Variants in SUGP1 observed in about 807,000 individuals in gnomAD.
SUGP1 encodes SURP and G-patch domain-containing protein 1.
Under a neutral mutation model 76.5 loss-of-function variants are expected in SUGP1, and 34 were observed. The observed-to-expected ratio is 0.44, with a 90% CI of 0.34 to 0.59. The LOEUF (loss-of-function observed/expected upper bound fraction) is 0.59. SUGP1 is among the 20% of genes least tolerant of loss of function. The pLI is 0.01. For synonymous variants in SUGP1, 326 were observed against 326.2 expected, an observed-to-expected ratio of 1.00 and a Z score of 0.01; for missense variants, 752 against 851.7, an observed-to-expected ratio of 0.88 and a Z score of 1.46.
intron 8 of SUGP1, among the ~76,000 whole-genome samples, chr19:19,284,196 G>A (rs1286872814): frequency 6.6e-6 from 1 of 152,166 alleles, no homozygotes; most frequent in Non-Finnish European, 1.5e-5. Context: ...TCGGGAGGCT[G>A]AGGCAGGAGA....
chr19:19,309,228 T>C (rs1165011090), intron 3 of SUGP1, among the ~76,000 whole-genome samples: 1 of 152,130 alleles, frequency 6.6e-6, no homozygotes, highest in Non-Finnish European at 1.5e-5. Context: ...CTCCTGCCTG[T>C]AATGTCAACA....
chr19:19,316,304 A>G, intron 2 of SUGP1, 118 bp downstream of exon 2: 2 of 1,292,734 alleles, frequency 1.5e-6, no homozygotes, highest in East Asian at 2.5e-5. Context: ...CATTCCTTGG[A>G]TCATCAGGCT....
Position 19,276,330 on chromosome 19 carries a change from G to T in SUGP1, c.*318C>A. The stretch of plus-strand genomic sequence containing the variant: ...CCTCTCAAAGTGCTGGGATGACAGG[G>T]GTGAGACACTGCACCTGGCCTTCCA... On this transcript the variant is annotated 3_prime_UTR_variant, in exon 14 of 14. Coordinates refer to ENST00000247001, the MANE Select transcript of SUGP1 (RefSeq NM_172231.4). The T allele has an allele frequency of 3.1e-6, 1 of 319,446 alleles. No individual in the cohort carries two copies. Among genetic ancestry groups the T allele is most frequent in the East Asian group, 7.1e-5 (1 of 14,152 alleles). The allele number at this position is 319,446 out of a possible 1,614,324, so 19.8% of individuals were successfully genotyped here.
chr19:19,278,883 C>T (rs1017145822), intron 10 of SUGP1, 87 bp from the exon 11 acceptor site: 8 of 1,410,152 alleles, frequency 5.7e-6, no homozygotes, highest in Middle Eastern at 1.8e-4. Flanking sequence ...AGGTATGAGG[C>T]TCAGTGGGAG....
chr19:19,303,612 A>T lies in SUGP1; in HGVS notation c.662+112T>A, dbSNP rs140193983. 7.4e-5 allele frequency: 107 copies of T among 1,453,712 alleles called. 1 individual carries two copies. The East Asian group carries it at 2.4e-3, about 33-fold the overall frequency. 90.1% of individuals were successfully genotyped at this position (1,453,712 alleles called of 1,614,324 possible). A position where few individuals can be genotyped will look rare whatever the true frequency, so the allele number is the denominator to read the frequency against. Reference sequence around the variant, plus strand: ...ACTTGTCACTTCTGGTGAGAATCAGAAAACGCTTGGAACAGCATCCGGCCC... The same window carrying T: ...ACTTGTCACTTCTGGTGAGAATCAGTAAACGCTTGGAACAGCATCCGGCCC... On this transcript the variant is annotated intron_variant, in intron 5 of 13. Coordinates refer to ENST00000247001, the MANE Select transcript of SUGP1 (RefSeq NM_172231.4).
chr19:19,306,724 A>G (rs1325385541), intron 3 of SUGP1, among the ~76,000 whole-genome samples: 1 of 152,168 alleles, frequency 6.6e-6, no homozygotes, highest in Non-Finnish European at 1.5e-5. Context: ...TAGGCGACCA[A>G]CCTACAGACA....
At chr19:19,291,187 G>A (rs372573281) in intron 8 of SUGP1, among the ~76,000 whole-genome samples, 1 of 152,178 alleles carries the variant, frequency 6.6e-6, no homozygotes, top group African/African-American at 2.4e-5. Flanking sequence ...ACACCTTAGT[G>A]AGCTAGAAAA....
chr19:19,276,989 G>A lies in SUGP1; in HGVS notation c.1869C>T (p.Arg623=), dbSNP rs1183345146. The A allele has an allele frequency of 1.2e-6, 2 of 1,612,992 alleles. No homozygotes were observed. Among genetic ancestry groups the A allele is most frequent in the African/African-American group, 2.7e-5 (2 of 74,920 alleles). Residue 623 remains arginine, a synonymous_variant, in exon 13 of 14, where the codon CGC becomes CGT. Transcript: ENST00000247001. The part of the protein sequence containing the change: ...SKEDDEYEAF[R]KRMMLAYRFR... ...AGCGGTAGGCCAGCATCATCCTCTT[G>A]CGGAACGCCTCATACTCGTCGTCCT...
rs1399430986 is a variant in SUGP1 at position 19,277,066 on chromosome 19, T to C, written c.1792A>G (p.Thr598Ala). ...ATGCCGAAGCCAGCGCCGTCCACTGTGGTGGTGCCCCTACAGGGAGAAGAG... is the reference window on the plus strand; with the variant it reads ...ATGCCGAAGCCAGCGCCGTCCACTGCGGTGGTGCCCCTACAGGGAGAAGAG... Reference protein sequence around the residue: ...IKNPVNKGTTTVDGAGFGIDR... With the variant: ...IKNPVNKGTTAVDGAGFGIDR... Residue 598 changes from threonine to alanine, a missense_variant, in exon 13 of 14, where the codon ACA becomes GCA. Coordinates refer to ENST00000247001, the MANE Select transcript of SUGP1 (RefSeq NM_172231.4). 2 of 1,610,642 alleles carry C rather than the reference T, an allele frequency of 1.2e-6. No individual in the cohort carries two copies. The highest frequency in any genetic ancestry group is 1.7e-6 in the Non-Finnish European group (2 of 1,179,662).
intron 8 of SUGP1, among the ~76,000 whole-genome samples, chr19:19,288,126 C>T (rs1024011031): frequency 6.6e-6 from 1 of 152,110 alleles, no homozygotes; most frequent in Non-Finnish European, 1.5e-5. Context: ...CATTGCACTA[C>T]AGCCTGGGCA....
At chr19:19,304,019 G>T (rs561003024) in intron 4 of SUGP1, 172 bp from the exon 5 acceptor site, 2 of 1,586,110 alleles carry the variant, frequency 1.3e-6, no homozygotes, top group African/African-American at 2.7e-5. Context: ...GGGGGGAGTC[G>T]GTCTCACTGT....
chr19:19,305,319 C>T (rs2061307965), intron 4 of SUGP1, among the ~76,000 whole-genome samples: 1 of 152,210 alleles, frequency 6.6e-6, no homozygotes, highest in Non-Finnish European at 1.5e-5. Flanking sequence ...ACAGCCACCC[C>T]CCTTTGCCCT....
At chr19:19,315,054 G>A (rs944308504) in intron 2 of SUGP1, among the ~76,000 whole-genome samples, 8 of 152,114 alleles carry the variant, frequency 5.3e-5, no homozygotes, top group Non-Finnish European at 1.2e-4. Flanking sequence ...AAACGCTGCT[G>A]GGTGCAGTGG....
intron 3 of SUGP1, among the ~76,000 whole-genome samples, chr19:19,309,518 G>A (rs913050242): frequency 5.9e-5 from 9 of 152,040 alleles, no homozygotes; most frequent in South Asian, 4.1e-4. Context: ...AGTGGCTCAC[G>A]CCTATTACCC....
At chr19:19,299,765 G>C (rs1266417913) in intron 7 of SUGP1, among the ~76,000 whole-genome samples, 1 of 151,708 alleles carries the variant, frequency 6.6e-6, no homozygotes, top group East Asian at 1.9e-4. Flanking sequence ...TAGTCCAAGG[G>C]ATGGGCGTTT....
chr19:19,306,965 G>T (rs923812956), intron 3 of SUGP1, among the ~76,000 whole-genome samples: 2 of 152,208 alleles, frequency 1.3e-5, no homozygotes, highest in Non-Finnish European at 2.9e-5. Flanking sequence ...GCAGCATCAT[G>T]AAATTGGCCA....
At chr19:19,295,992 C>T (rs79272891) in intron 8 of SUGP1, among the ~76,000 whole-genome samples, 4 of 152,114 alleles carry the variant, frequency 2.6e-5, no homozygotes, top group Admixed American at 6.6e-5. Flanking sequence ...CCAACCCAGA[C>T]GACGAGATAT....
chr19:19,302,792 C>A (rs769939772), intron 6 of SUGP1, among the ~76,000 whole-genome samples: 2 of 152,152 alleles, frequency 1.3e-5, no homozygotes, highest in Non-Finnish European at 2.9e-5. Context: ...CTGCAGCCTG[C>A]GCTTGGCCTG....
intron 8 of SUGP1, among the ~76,000 whole-genome samples, chr19:19,289,281 T>C (rs578040940): frequency 1.6e-4 from 24 of 152,224 alleles, no homozygotes; most frequent in African/African-American, 5.8e-4. Context: ...ACCACTGTCA[T>C]ATATGCAGTC....
Sources: gnomAD v4.1 joint callset for allele counts (sites outside exome capture counted in the v4.1 genomes callset) on GRCh38, gnomAD v4.1.1 for gene constraint, MANE v1.5 for transcripts, NCBI Gene and HGNC (gene_info 2026-07-23, HGNC 2026-07-21) for gene names.